The following LIN28B variants were observed in gnomAD, a reference collection of about 807,000 sequenced individuals.
LIN28B encodes lin-28 RNA binding posttranscriptional regulator B, also known as protein lin-28 homolog B.
LIN28B carries 5 observed loss-of-function variants against 21.9 expected under a neutral mutation model. That is an observed-to-expected ratio of 0.23 (90% CI 0.12 to 0.48). The LOEUF (loss-of-function observed/expected upper bound fraction) is 0.48, where lower values mean the gene tolerates loss of function less well. LIN28B is among the 20% of genes least tolerant of loss of function. The probability of loss-of-function intolerance (pLI) is 0.98; values close to 1 mark genes in which losing one functional copy is unlikely to be tolerated. For missense variants in LIN28B, 245 were observed against 310.5 expected (o/e 0.79, Z 1.58); for synonymous variants, 109 against 111.3 (o/e 0.98, Z 0.13).
chr6:104,939,706 C>G lies in LIN28B; in HGVS notation c.18+2590C>G, dbSNP rs1030412184. ...AAGTGTTTTCATTTGAAAAGTTTTC[C>G]ACTTTTAATTTGATTTCCTATATTT... On this transcript the variant is annotated intron_variant, in intron 2 of 5. Coordinates refer to the LIN28B transcript ENST00000635857. Among the ~76,000 whole-genome samples the G allele has an allele frequency of 2.0e-5, 3 of 152,114 alleles. 1 individual carries two copies. Among genetic ancestry groups the G allele is most frequent in the Admixed American group, 1.3e-4 (2 of 15,276 alleles).
chr6:105,063,295 TC>T (rs1395749914), intron 3 of LIN28B, among the ~76,000 whole-genome samples: 1 of 152,148 alleles, frequency 6.6e-6, no homozygotes, highest in Non-Finnish European at 1.5e-5. Context: ...ATTTCTGAAT[TC>T]TCAGCTGTGT....
chr6:104,998,529 C>T (rs181971576), intron 2 of LIN28B, among the ~76,000 whole-genome samples: 1 of 152,050 alleles, frequency 6.6e-6, no homozygotes, highest in South Asian at 2.1e-4. Context: ...TTTTTCTCTC[C>T]GTACTTGCCA....
intron 2 of LIN28B, among the ~76,000 whole-genome samples, chr6:104,960,203 AGGT>A (rs1434796383): frequency 1.3e-5 from 2 of 152,124 alleles, no homozygotes; most frequent in African/African-American, 2.4e-5. Context: ...CTAGTTAAAG[AGGT>A]TTCTTATATT....
At chr6:104,962,254 CTCTT>C (rs1469057128) in intron 2 of LIN28B, among the ~76,000 whole-genome samples, 2 of 151,948 alleles carry the variant, frequency 1.3e-5, no homozygotes, top group African/African-American at 4.8e-5. Flanking sequence ...ATGTATGTAT[CTCTT>C]TTTTTCTCAA....
intron 2 of LIN28B, among the ~76,000 whole-genome samples, chr6:104,992,149 C>T (rs1385706829): frequency 2.0e-5 from 3 of 151,916 alleles, no homozygotes; most frequent in Admixed American, 6.6e-5. Context: ...GTAACCTCCG[C>T]CTTTGGGTTC....
chr6:104,959,461 A>G (rs569179160), intron 2 of LIN28B, among the ~76,000 whole-genome samples: 7 of 152,358 alleles, frequency 4.6e-5, no homozygotes, highest in African/African-American at 1.7e-4. Flanking sequence ...AATTAAATAT[A>G]TAAACAATAG....
At chr6:105,063,496 C>T (rs1027736286) in intron 3 of LIN28B, among the ~76,000 whole-genome samples, 6 of 151,964 alleles carry the variant, frequency 3.9e-5, no homozygotes, top group African/African-American at 1.2e-4. Context: ...ATTAGCTGGG[C>T]ATGGTGGCGC....
At chr6:105,005,816 T>C (rs145967892) in intron 2 of LIN28B, among the ~76,000 whole-genome samples, 1 of 152,366 alleles carries the variant, frequency 6.6e-6, no homozygotes, top group Non-Finnish European at 1.5e-5. Context: ...ACACTGTCAT[T>C]GTTCTTCATT....
At chr6:104,947,930 T>G (rs948872146) in intron 2 of LIN28B, among the ~76,000 whole-genome samples, 2 of 152,078 alleles carry the variant, frequency 1.3e-5, no homozygotes, top group African/African-American at 4.8e-5. Flanking sequence ...AGCATAGAGT[T>G]CAGTTGGGAG....
intron 2 of LIN28B, among the ~76,000 whole-genome samples, chr6:104,981,936 C>T (rs918834899): frequency 6.6e-6 from 1 of 152,116 alleles, no homozygotes; most frequent in Non-Finnish European, 1.5e-5. Context: ...ACTGGTCAGA[C>T]GGATTATATT....
chr6:104,942,640 A>G (rs1406654837), intron 2 of LIN28B, among the ~76,000 whole-genome samples: 1 of 152,150 alleles, frequency 6.6e-6, no homozygotes, highest in African/African-American at 2.4e-5. Context: ...ACCCTTGTCC[A>G]TCTTAGGGAA....
chr6:105,046,017 T>A (rs983113943), intron 3 of LIN28B, among the ~76,000 whole-genome samples: 9 of 152,226 alleles, frequency 5.9e-5, no homozygotes, highest in African/African-American at 1.4e-4. Flanking sequence ...TACAATTTTT[T>A]AATTTTTTTA....
intron 2 of LIN28B, among the ~76,000 whole-genome samples, chr6:104,992,483 G>T (rs1268059254): frequency 1.7e-5 from 2 of 114,556 alleles, no homozygotes; most frequent in Non-Finnish European, 3.5e-5. Context: ...TTAAGTTTCT[G>T]TTGTGTGTGT....
chr6:105,051,334 G>C (rs1771897434), intron 3 of LIN28B, among the ~76,000 whole-genome samples: 3 of 151,240 alleles, frequency 2.0e-5, no homozygotes, highest in Admixed American at 2.0e-4. Flanking sequence ...AGCTACTCAG[G>C]AGGGTAAGGC....
chr6:104,972,753 T>C (rs1194609662), intron 2 of LIN28B, among the ~76,000 whole-genome samples: 1 of 152,328 alleles, frequency 6.6e-6, no homozygotes, highest in Non-Finnish European at 1.5e-5. Flanking sequence ...TCAGTACATA[T>C]TTTTTAGAGT....
chr6:105,045,379 C>T (rs868538008), intron 3 of LIN28B, among the ~76,000 whole-genome samples: 9 of 150,588 alleles, frequency 6.0e-5, no homozygotes, highest in South Asian at 2.1e-4. Context: ...CTCTGCCTCC[C>T]GGGTTCAAGC....
intron 2 of LIN28B, chr6:104,941,083 C>G (rs1434950710): frequency 6.6e-6 from 1 of 152,182 alleles, no homozygotes; most frequent in Non-Finnish European, 1.5e-5. Context: ...GGACGCCGCT[C>G]GCGGTCCCGA....
chr6:105,032,789 C>T (rs1771450381), intron 3 of LIN28B, among the ~76,000 whole-genome samples: 2 of 151,968 alleles, frequency 1.3e-5, no homozygotes, highest in African/African-American at 4.8e-5. Flanking sequence ...TTTTAATTTT[C>T]ATTTCCTTAA....
intron 3 of LIN28B, among the ~76,000 whole-genome samples, chr6:105,056,579 A>G: frequency 6.6e-6 from 1 of 152,080 alleles, no homozygotes; most frequent in African/African-American, 2.4e-5. Context: ...ATCTCCCAGC[A>G]TTTTGTGGCC....
Sources: gnomAD v4.1 joint callset for allele counts (sites outside exome capture counted in the v4.1 genomes callset) on GRCh38, gnomAD v4.1.1 for gene constraint, MANE v1.5 for transcripts, NCBI Gene and HGNC (gene_info 2026-07-23, HGNC 2026-07-21) for gene names.